The following KCNH1 variants were observed in gnomAD, a reference collection of about 807,000 sequenced individuals.
KCNH1 encodes the protein voltage-gated delayed rectifier potassium channel KCNH1.
In KCNH1, 27 loss-of-function variants were observed where a neutral mutation model predicts 69.2. The observed-to-expected ratio is 0.39, with a 90% CI of 0.29 to 0.54. The LOEUF (loss-of-function observed/expected upper bound fraction) is 0.54. Among genes scored for constraint, KCNH1 ranks in the 20% least tolerant of loss-of-function variants. KCNH1 has a pLI of 0.68. For synonymous variants in KCNH1, 456 were observed against 487.7 expected (o/e 0.93, Z 0.86); for missense variants, 798 against 1,261.6 (o/e 0.63, Z 5.57).
Position 210,864,255 on chromosome 1 carries a change from C to G in KCNH1, c.1462+55385G>C, listed in dbSNP as rs150986220. On this transcript the variant is annotated intron_variant, in intron 7 of 10. Transcript: ENST00000271751. ...GTGACCCCAGAATGCCATCTCTACCCCCTCAGCATGGTAGCAATGCCACGG... is the reference window on the plus strand; with the variant it reads ...GTGACCCCAGAATGCCATCTCTACCGCCTCAGCATGGTAGCAATGCCACGG... 7.9e-3 allele frequency among the ~76,000 whole-genome samples: 1,203 copies of G among 152,252 alleles called. 7 individuals carry two copies. The highest frequency in any genetic ancestry group is 0.014 in the Middle Eastern group (4 of 294).
Position 210,679,539 on chromosome 1 carries a change from ACCTAGTATT to A in KCNH1, c.*3733_*3741del, listed in dbSNP as rs979038182. 2.0e-5 allele frequency: 3 copies of A among 152,210 alleles called. No individual in the cohort carries two copies. The highest frequency in any genetic ancestry group is 7.2e-5 in the African/African-American group (3 of 41,438). 9.4% of individuals were successfully genotyped at this position (152,210 alleles called of 1,614,324 possible). On this transcript the variant is annotated 3_prime_UTR_variant, in exon 11 of 11. Coordinates refer to ENST00000271751, the MANE Select transcript of KCNH1 (RefSeq NM_172362.3). ...ATCTTCCTATACCTAGTCTTCCTAT[ACCTAGTATT>A]CCTAAAGAGTTCATTTAGTCCCCAC...
At chr1:210,992,833 G>A (rs1161427759) in intron 6 of KCNH1, among the ~76,000 whole-genome samples, 1 of 152,094 alleles carries the variant, frequency 6.6e-6, no homozygotes, top group Non-Finnish European at 1.5e-5. Context: ...TTCCCTTAAT[G>A]AGACTTCTCC....
chr1:210,887,816 C>T (rs1353283126), intron 7 of KCNH1, among the ~76,000 whole-genome samples: 2 of 150,222 alleles, frequency 1.3e-5, no homozygotes, highest in Admixed American at 6.6e-5. Context: ...AGAAAGAAGG[C>T]CATTACGTAA....
chr1:210,876,701 G>A (rs1270047619), intron 7 of KCNH1, among the ~76,000 whole-genome samples: 3 of 152,106 alleles, frequency 2.0e-5, no homozygotes, highest in Admixed American at 2.0e-4. Flanking sequence ...ACAAGCTGAA[G>A]AGGAAACCAG....
rs1574227017 is a variant in KCNH1, at chr1:210,742,735, T to C, written c.2112+32613A>G. ...GGAGAAGCTGTCTGGAAGGCAATCA[T>C]ATCTGGGAATTAACCTGGAAATAAC... is the stretch of plus-strand genomic sequence containing the variant. On this transcript the variant is annotated intron_variant, in intron 10 of 10. Transcript: ENST00000271751. Among the ~76,000 whole-genome samples, 4 of 152,274 alleles carry C rather than the reference T, an allele frequency of 2.6e-5. No homozygotes were observed. In the East Asian group the frequency reaches 7.7e-4, roughly 29 times the overall value.
chr1:210,966,294 T>C (rs1029157334), intron 6 of KCNH1, among the ~76,000 whole-genome samples: 2 of 152,068 alleles, frequency 1.3e-5, no homozygotes, highest in African/African-American at 4.8e-5. Context: ...GAAGAAAACA[T>C]AGGCAATACC....
intron 6 of KCNH1, among the ~76,000 whole-genome samples, chr1:211,002,316 GTATA>G (rs537239997): frequency 1.6e-5 from 2 of 127,100 alleles, no homozygotes; most frequent in African/African-American, 6.4e-5. Context: ...ATGTATACGT[GTATA>G]TATATATGTG....
chr1:210,739,170 C>T (rs1431374713), intron 10 of KCNH1, among the ~76,000 whole-genome samples: 3 of 152,116 alleles, frequency 2.0e-5, no homozygotes, highest in Admixed American at 6.5e-5. Flanking sequence ...GACAGGTGCC[C>T]ATATTACTTT....
chr1:211,112,332 G>C, intron 1 of KCNH1, among the ~76,000 whole-genome samples: 1 of 143,702 alleles, frequency 7.0e-6, no homozygotes, highest in Admixed American at 7.1e-5. Context: ...CCGGGTCTGG[G>C]AAGCGAGGAG....
chr1:210,968,113 C>T lies in KCNH1; in HGVS notation c.1033-48044G>A, dbSNP rs186702825. 1.9e-3 allele frequency among the ~76,000 whole-genome samples: 282 copies of T among 149,862 alleles called. 1 individual carries two copies. Among genetic ancestry groups the T allele is most frequent in the African/African-American group, 5.9e-3 (241 of 40,634 alleles). ...GTTCCCACCTATGAGTGAGAATATGCGGTGTTTGGTTTTTTGTTCTTGCGA... is the reference window on the plus strand; with the variant it reads ...GTTCCCACCTATGAGTGAGAATATGTGGTGTTTGGTTTTTTGTTCTTGCGA... On this transcript the variant is annotated intron_variant, in intron 6 of 10. Transcript: ENST00000271751.
chr1:210,872,149 C>CAAA (rs60497732), intron 7 of KCNH1, among the ~76,000 whole-genome samples: 4 of 77,694 alleles, frequency 5.1e-5, no homozygotes, highest in African/African-American at 1.5e-4. Flanking sequence ...GGAAGAGCAC[C>CAAA]AAAAAAAAAA....
chr1:210,787,568 T>G (rs1684128332), intron 9 of KCNH1, among the ~76,000 whole-genome samples: 1 of 152,174 alleles, frequency 6.6e-6, no homozygotes, highest in Admixed American at 6.5e-5. Flanking sequence ...AATGTTAAGT[T>G]AGTCCAGGAT....
chr1:210,683,299 G>C lies in KCNH1; in HGVS notation c.2952C>G (p.Asp984Glu), dbSNP rs1681318252. The change falls in exon 11 of 11, where the codon GAC becomes GAG. Residue 984 changes from aspartate to glutamate, a missense_variant. This residue lies in a region of KCNH1 where 331 missense variants were observed against 363.2 expected (regional missense o/e 0.91). Coordinates refer to ENST00000271751, the MANE Select transcript of KCNH1 (RefSeq NM_172362.3). This position sits in a 1 kb window ranked among gnomAD's most constrained non-coding sequence, Gnocchi z 5.7. ...AGACCTCTCAGCTGGCTCCAAAAAT[G>C]TCTCTCTCTGATTCTGGGGACTGTG... ...SRPQSPESER[D>E]IFGAS 6.2e-7 allele frequency: 1 copy of C among 1,613,172 alleles called. No individual in the cohort carries two copies. Among genetic ancestry groups the C allele is most frequent in the African/African-American group, 1.3e-5 (1 of 74,784 alleles).
chr1:211,064,566 A>G (rs12239191), intron 5 of KCNH1, among the ~76,000 whole-genome samples: 5,370 of 152,262 alleles, frequency 0.035, 326 homozygotes, highest in African/African-American at 0.12. Context: ...ATCTCAAAAA[A>G]AACATAAAAA....
intron 5 of KCNH1, among the ~76,000 whole-genome samples, chr1:211,060,263 A>G (rs1405761602): frequency 6.6e-6 from 1 of 151,974 alleles, no homozygotes; most frequent in Non-Finnish European, 1.5e-5. Context: ...ATACCAATAA[A>G]TGCCACATCA....
intron 6 of KCNH1, among the ~76,000 whole-genome samples, chr1:211,002,026 T>G (rs1373609135): frequency 9.0e-3 from 721 of 79,848 alleles, no homozygotes; most frequent in Middle Eastern, 0.013. Flanking sequence ...GTGGGGGGAG[T>G]GGGGGGGGAT....
intron 6 of KCNH1, among the ~76,000 whole-genome samples, chr1:210,940,778 T>G (rs986538199): frequency 7.9e-5 from 12 of 152,212 alleles, no homozygotes; most frequent in South Asian, 4.1e-4. Flanking sequence ...CATATCTCCA[T>G]CTTCTCAGAA....
intron 10 of KCNH1, 49 bp from the exon 11 acceptor site, chr1:210,684,187 G>A: frequency 6.8e-7 from 1 of 1,474,216 alleles, no homozygotes; most frequent in East Asian, 2.3e-5. Context: ...CCACATGCTG[G>A]CTGCAGCAGC....
chr1:210,864,322 A>G (rs987665964), intron 7 of KCNH1, among the ~76,000 whole-genome samples: 4 of 152,162 alleles, frequency 2.6e-5, no homozygotes, highest in Non-Finnish European at 4.4e-5. Context: ...AGGAGAGACT[A>G]AGGCATTGCA....
Sources: allele counts gnomAD v4.1 joint callset (sites outside exome capture counted in the v4.1 genomes callset), GRCh38; gene constraint gnomAD v4.1.1; regional missense constraint gnomAD v4.1.1; non-coding constraint Gnocchi (gnomAD v3.1); transcripts MANE v1.5; gene names NCBI Gene and HGNC (gene_info 2026-07-23, HGNC 2026-07-21).